The following JAK2 variants were observed in gnomAD, a reference collection of about 807,000 sequenced individuals.
JAK2 encodes Janus kinase 2.
A neutral mutation model predicts 139.3 loss-of-function variants in JAK2; 86 were observed. The ratio of observed to expected loss-of-function variants is 0.62; its 90% CI spans 0.52 to 0.74. JAK2 has a LOEUF of 0.74. JAK2 is among the 30% of genes least tolerant of loss of function. The pLI is 0.00. For missense variants in JAK2, 1,421 were observed against 1,360.3 expected (o/e 1.04, Z -0.70); for synonymous variants, 490 against 437.7 (o/e 1.12, Z -1.49).
At chr9:5,018,832 G>A (rs919445680) in intron 2 of JAK2, among the ~76,000 whole-genome samples, 9 of 152,094 alleles carry the variant, frequency 5.9e-5, no homozygotes, top group Middle Eastern at 3.4e-3. Flanking sequence ...TTCATATATC[G>A]TTCCATTCTC....
At chr9:4,998,857 G>T (rs918201018) in intron 2 of JAK2, among the ~76,000 whole-genome samples, 2 of 151,892 alleles carry the variant, frequency 1.3e-5, no homozygotes, top group African/African-American at 4.8e-5. Context: ...TTGAGATGGA[G>T]TCTCCCTCTG....
chr9:5,106,848 A>AT (rs1160178707), intron 22 of JAK2, among the ~76,000 whole-genome samples: 2 of 152,150 alleles, frequency 1.3e-5, no homozygotes, highest in Admixed American at 1.3e-4. Flanking sequence ...GAGTTGAACA[A>AT]TGAGAACACT....
intron 23 of JAK2, among the ~76,000 whole-genome samples, chr9:5,123,888 C>CTTTTT (rs543606211): frequency 7.0e-6 from 1 of 142,154 alleles, no homozygotes. Context: ...AATTTTTTCT[C>CTTTTT]TTTTTTTTTT....
chr9:5,022,750 ACT>A (rs1219325742), intron 3 of JAK2, among the ~76,000 whole-genome samples: 3 of 152,170 alleles, frequency 2.0e-5, no homozygotes, highest in African/African-American at 7.2e-5. Flanking sequence ...GAACCAGAGA[ACT>A]CTTTCTATAG....
chr9:4,995,558 A>G (rs1022913915), intron 2 of JAK2, among the ~76,000 whole-genome samples: 1 of 152,170 alleles, frequency 6.6e-6, no homozygotes, highest in East Asian at 1.9e-4. Flanking sequence ...TAAATTGTGT[A>G]TGTAGTTGGA....
chr9:5,076,500 A>G (rs990314353), intron 14 of JAK2, among the ~76,000 whole-genome samples: 1 of 152,154 alleles, frequency 6.6e-6, no homozygotes, highest in African/African-American at 2.4e-5. Context: ...TTTTGGCAAT[A>G]AAGTATTTTT....
rs566771162 is a variant in JAK2, at chr9:5,065,652, T to C, written c.1214+612T>C. ...CTACATGTGGCTAGTAACTATCACATTGGCTCACACAGTTGTAGATCCTTA... is the reference window on the plus strand; with the variant it reads ...CTACATGTGGCTAGTAACTATCACACTGGCTCACACAGTTGTAGATCCTTA... On this transcript the variant is annotated intron_variant, in intron 9 of 24. Coordinates refer to ENST00000381652, the MANE Select transcript of JAK2 (RefSeq NM_004972.4). 7.2e-5 allele frequency among the ~76,000 whole-genome samples: 11 copies of C among 152,348 alleles called. No individual in the cohort carries two copies. The South Asian group carries it at 1.4e-3, about 20-fold the overall frequency.
chr9:5,000,453 G>T (rs145405914), intron 2 of JAK2, among the ~76,000 whole-genome samples: 2 of 152,222 alleles, frequency 1.3e-5, no homozygotes, highest in East Asian at 3.9e-4. Flanking sequence ...GTAGTTTAAA[G>T]GAATGATTCA....
At chr9:5,120,268 G>C (rs1448750205) in intron 22 of JAK2, among the ~76,000 whole-genome samples, 1 of 152,228 alleles carries the variant, frequency 6.6e-6, no homozygotes. Flanking sequence ...ATTCATGAGG[G>C]AGAAGCCCTC....
At chr9:4,987,292 T>C (rs1354781219) in intron 2 of JAK2, among the ~76,000 whole-genome samples, 1 of 152,178 alleles carries the variant, frequency 6.6e-6, no homozygotes, top group Non-Finnish European at 1.5e-5. Flanking sequence ...TTGAGACAGG[T>C]GTCTCAGATA....
intron 22 of JAK2, among the ~76,000 whole-genome samples, chr9:5,117,924 A>T (rs1823329763): frequency 6.6e-6 from 1 of 152,220 alleles, no homozygotes; most frequent in African/African-American, 2.4e-5. Flanking sequence ...TTAAGTATAT[A>T]TGCTCACTAA....
At chr9:5,037,761 A>G (rs973586295) in intron 4 of JAK2, among the ~76,000 whole-genome samples, 1 of 152,176 alleles carries the variant, frequency 6.6e-6, no homozygotes, top group Non-Finnish European at 1.5e-5. Flanking sequence ...ATGTTAAATG[A>G]CGAGTTACTG....
chr9:5,080,815 A>T (rs913379512), intron 18 of JAK2, 132 bp downstream of exon 18: 8 of 557,140 alleles, frequency 1.4e-5, no homozygotes, highest in African/African-American at 1.0e-4. Flanking sequence ...TCTTATGTTC[A>T]TATGGCTTTT....
chr9:5,096,733 G>A (rs1321566762), intron 22 of JAK2: 2 of 152,052 alleles, frequency 1.3e-5, no homozygotes, highest in African/African-American at 4.8e-5. Context: ...CTGCTGTTCG[G>A]CGCATGAGTG....
chr9:4,999,773 G>C (rs12376611), intron 2 of JAK2, among the ~76,000 whole-genome samples: 3 of 152,146 alleles, frequency 2.0e-5, no homozygotes, highest in African/African-American at 7.2e-5. Flanking sequence ...TATCTTTATA[G>C]TATTCTGTTG....
chr9:5,123,401 C>T lies in JAK2; in HGVS notation c.3177+280C>T, dbSNP rs76475471. 4.9e-3 allele frequency among the ~76,000 whole-genome samples: 740 copies of T among 152,010 alleles called. 5 individuals are homozygous for T. Among genetic ancestry groups the T allele is most frequent in the African/African-American group, 0.016 (665 of 41,542 alleles). ...TATAGCTCCCGCTTATAAGTGAAAA[C>T]GTGGTATTTGTCTTTCTATGGCTGA... On this transcript the variant is annotated intron_variant, in intron 23 of 24. Coordinates refer to ENST00000381652, the MANE Select transcript of JAK2 (RefSeq NM_004972.4).
intron 6 of JAK2, among the ~76,000 whole-genome samples, chr9:5,053,433 T>C (rs35234932): frequency 5.9e-5 from 9 of 152,250 alleles, no homozygotes; most frequent in African/African-American, 9.6e-5. Flanking sequence ...CTGTGTATTG[T>C]TATTTTACTT....
intron 23 of JAK2, among the ~76,000 whole-genome samples, chr9:5,124,542 G>T (rs1823849661): frequency 6.6e-6 from 1 of 151,584 alleles, no homozygotes; most frequent in African/African-American, 2.4e-5. Flanking sequence ...TTTGTTCACA[G>T]AATTAGAAAA....
intron 22 of JAK2, among the ~76,000 whole-genome samples, chr9:5,118,480 A>T (rs1823373263): frequency 6.6e-6 from 1 of 152,202 alleles, no homozygotes; most frequent in Non-Finnish European, 1.5e-5. Flanking sequence ...AGTTACTAGG[A>T]TACAGTTTTC....
Sources: gnomAD v4.1 joint callset for allele counts (sites outside exome capture counted in the v4.1 genomes callset) on GRCh38, gnomAD v4.1.1 for gene constraint, MANE v1.5 for transcripts, NCBI Gene and HGNC (gene_info 2026-07-23, HGNC 2026-07-21) for gene names.